Variants in LINGO2 observed in about 807,000 individuals in gnomAD.
LINGO2 encodes the protein leucine-rich repeat and immunoglobulin-like domain-containing nogo receptor-interacting protein 2.
In LINGO2, 14 loss-of-function variants were observed where a neutral mutation model predicts 30.6. That is an observed-to-expected ratio of 0.46 (90% confidence interval 0.30 to 0.72). LINGO2 has a LOEUF of 0.72. Among genes scored for constraint, LINGO2 ranks in the 30% least tolerant of loss-of-function variants. The probability of loss-of-function intolerance (pLI) is 0.07; values close to 1 mark genes in which losing one functional copy is unlikely to be tolerated. For synonymous variants in LINGO2, 317 were observed against 288.5 expected (o/e 1.10, Z -1.00); for missense variants, 729 against 751.7 (o/e 0.97, Z 0.35).
intron 5 of LINGO2, among the ~76,000 whole-genome samples, chr9:27,957,614 T>C (rs1819639863): frequency 6.6e-6 from 1 of 152,166 alleles, no homozygotes; most frequent in South Asian, 2.1e-4. Flanking sequence ...TTATCATCAG[T>C]TTAATTCTTG....
the LINGO2 span, among the ~76,000 whole-genome samples, chr9:28,694,944 T>A: frequency 6.7e-6 from 1 of 148,618 alleles, no homozygotes; most frequent in South Asian, 2.2e-4. Flanking sequence ...GTTTCCATTA[T>A]CCTGACTGTT....
At chr9:29,201,491 T>G in the LINGO2 span, among the ~76,000 whole-genome samples, 3 of 152,078 alleles carry the variant, frequency 2.0e-5, no homozygotes, top group African/African-American at 7.2e-5. Context: ...AAGCCATCTA[T>G]AACCATGTGT....
rs1403773979 is a variant in LINGO2 at position 28,062,660 on chromosome 9, ATATATACAAAATCAAATATATATATTTTG to A, written c.-86-50284_-86-50256del. On this transcript the variant is annotated intron_variant, in intron 4 of 5. Coordinates refer to ENST00000379992, the Ensembl canonical transcript of LINGO2. ...ACAAAATCAAATATATATATTTTGT[ATATATACAAAATCAAATATATATATTTTG>A]TATATATATATACAAAATTTCTAAA... 1.1e-3 allele frequency among the ~76,000 whole-genome samples: 163 copies of A among 148,192 alleles called. 10 individuals are homozygous for A. The South Asian group carries it at 0.019, about 17-fold the overall frequency.
At chr9:28,502,406 A>G (rs1819928950) in intron 1 of LINGO2, among the ~76,000 whole-genome samples, 1 of 152,108 alleles carries the variant, frequency 6.6e-6, no homozygotes, top group South Asian at 2.1e-4. Context: ...TGATTCATAC[A>G]AAAGTATTTC....
At chr9:28,785,705 C>T in the LINGO2 span, among the ~76,000 whole-genome samples, 6 of 126,586 alleles carry the variant, frequency 4.7e-5, no homozygotes, top group African/African-American at 1.6e-4. Context: ...CACACACACA[C>T]ATGCACACAC....
the LINGO2 span, among the ~76,000 whole-genome samples, chr9:28,815,517 C>G: frequency 6.6e-6 from 1 of 151,988 alleles, no homozygotes; most frequent in Admixed American, 6.6e-5. Flanking sequence ...GCTGATTTGT[C>G]TCCCTCAATC....
chr9:29,204,690 ATTTG>A, the LINGO2 span, among the ~76,000 whole-genome samples: 3 of 152,110 alleles, frequency 2.0e-5, no homozygotes, highest in Admixed American at 2.0e-4. Flanking sequence ...ATATTCCAAC[ATTTG>A]TTTATCTATT....
the LINGO2 span, among the ~76,000 whole-genome samples, chr9:28,793,012 T>A: frequency 6.6e-6 from 1 of 152,132 alleles, no homozygotes; most frequent in Non-Finnish European, 1.5e-5. Context: ...CAAATCCAGA[T>A]AACCAGTACT....
chr9:28,548,730 AT>A (rs1356608780), intron 1 of LINGO2, among the ~76,000 whole-genome samples: 3 of 132,710 alleles, frequency 2.3e-5, no homozygotes, highest in African/African-American at 8.1e-5. Flanking sequence ...AAAAAAAAAA[AT>A]ATTTGATTCT....
intron 3 of LINGO2, among the ~76,000 whole-genome samples, chr9:28,359,405 A>C (rs1425292861): frequency 6.6e-6 from 1 of 152,102 alleles, no homozygotes; most frequent in Non-Finnish European, 1.5e-5. Context: ...CAAAACAAAC[A>C]AAAAGAAAAC....
chr9:28,951,061 A>G, the LINGO2 span, among the ~76,000 whole-genome samples: 3 of 152,192 alleles, frequency 2.0e-5, no homozygotes, highest in Admixed American at 6.5e-5. Flanking sequence ...CCAATGAAAC[A>G]TAACAGAGAC....
At chr9:28,354,757 A>G (rs1025574371) in intron 3 of LINGO2, among the ~76,000 whole-genome samples, 21 of 152,202 alleles carry the variant, frequency 1.4e-4, no homozygotes, top group African/African-American at 4.8e-4. Context: ...GTTCTACTGT[A>G]TATAAGTTCA....
the LINGO2 span, among the ~76,000 whole-genome samples, chr9:29,083,831 C>G: frequency 6.6e-6 from 1 of 152,074 alleles, no homozygotes; most frequent in South Asian, 2.1e-4. Context: ...CACTTGTGAA[C>G]ATCATTTCCA....
the LINGO2 span, among the ~76,000 whole-genome samples, chr9:28,719,498 T>A: frequency 1.3e-5 from 2 of 152,058 alleles, no homozygotes; most frequent in African/African-American, 4.8e-5. Context: ...GTGGGCATCA[T>A]CAATCCTCAT....
chr9:28,943,849 T>G, the LINGO2 span, among the ~76,000 whole-genome samples: 24,335 of 152,124 alleles, frequency 0.16, 1,976 homozygotes, highest in South Asian at 0.2. Flanking sequence ...GCAATCACAG[T>G]GGCATTCTTT....
the LINGO2 span, among the ~76,000 whole-genome samples, chr9:29,149,947 A>AC: frequency 5.3e-5 from 8 of 152,026 alleles, no homozygotes; most frequent in Non-Finnish European, 7.4e-5. Context: ...CCACTGTCTG[A>AC]CCGCTCCCAC....
intron 4 of LINGO2, among the ~76,000 whole-genome samples, chr9:28,201,737 T>C (rs13295581): frequency 0.11 from 16,466 of 152,054 alleles, 962 homozygotes; most frequent in Middle Eastern, 0.15. Flanking sequence ...TAGCTTGCCT[T>C]CTCATATTTA....
At chr9:28,606,271 C>G (rs1276243498) in intron 1 of LINGO2, among the ~76,000 whole-genome samples, 1 of 151,908 alleles carries the variant, frequency 6.6e-6, no homozygotes, top group Non-Finnish European at 1.5e-5. Flanking sequence ...TCTAAAACAG[C>G]TACTATAATA....
chr9:29,095,758 T>C, the LINGO2 span, among the ~76,000 whole-genome samples: 4 of 138,892 alleles, frequency 2.9e-5, no homozygotes, highest in Non-Finnish European at 4.7e-5. Context: ...GGATTCTGTT[T>C]ACTTCTCCCC....
Sources: gnomAD v4.1 joint callset for allele counts (sites outside exome capture counted in the v4.1 genomes callset) on GRCh38, gnomAD v4.1.1 for gene constraint, MANE v1.5 for transcripts, NCBI Gene and HGNC (gene_info 2026-07-23, HGNC 2026-07-21) for gene names.